CSGALNACT2: variants seen among roughly 807,000 people sequenced by gnomAD.
CSGALNACT2 encodes chondroitin sulfate N-acetylgalactosaminyltransferase 2.
CSGALNACT2 carries 35 observed loss-of-function variants against 55.3 expected under a neutral mutation model. The ratio of observed to expected loss-of-function variants is 0.63; its 90% CI spans 0.48 to 0.84. The LOEUF (loss-of-function observed/expected upper bound fraction) is 0.84, where lower values mean the gene tolerates loss of function less well. CSGALNACT2 is among the 40% of genes least tolerant of loss of function. The probability of loss-of-function intolerance (pLI) is 0.00; values close to 1 mark genes in which losing one functional copy is unlikely to be tolerated. For missense variants in CSGALNACT2, 544 were observed against 657.5 expected (o/e 0.83, Z 1.89); for synonymous variants, 196 against 224.9 (o/e 0.87, Z 1.15).
chr10:43,147,045 G>A (rs1397959137), intron 1 of CSGALNACT2, among the ~76,000 whole-genome samples: 1 of 110,218 alleles, frequency 9.1e-6, no homozygotes, highest in South Asian at 3.6e-4. Context: ...GCGGGATCTC[G>A]GCTCACTGCA....
Position 43,184,208 on chromosome 10 carries a change from A to G in CSGALNACT2, c.*666A>G, listed in dbSNP as rs1379984572. Reference sequence around the variant, plus strand: ...GGCTTGATTAAAAATATGTTATTACATTATCATGTTCAGGATTAGGATTAG... The same window carrying G: ...GGCTTGATTAAAAATATGTTATTACGTTATCATGTTCAGGATTAGGATTAG... On this transcript the variant is annotated 3_prime_UTR_variant, in exon 8 of 8. Coordinates refer to ENST00000374466, the MANE Select transcript of CSGALNACT2 (RefSeq NM_018590.5). 3.3e-5 allele frequency: 5 copies of G among 152,346 alleles called. No individual in the cohort carries two copies. The highest frequency in any genetic ancestry group is 5.9e-5 in the Non-Finnish European group (4 of 68,122). The allele number at this position is 152,346 out of a possible 1,614,324, so 9.4% of individuals were successfully genotyped here. A position where few individuals can be genotyped will look rare whatever the true frequency, so the allele number is the denominator to read the frequency against.
intron 1 of CSGALNACT2, among the ~76,000 whole-genome samples, 186 bp downstream of exon 1, chr10:43,138,753 G>A (rs1838553332): frequency 6.6e-6 from 1 of 152,272 alleles, no homozygotes; most frequent in South Asian, 2.1e-4. Context: ...TAGGGAAAGC[G>A]CGGCCAGAGA....
chr10:43,164,186 C>G, intron 5 of CSGALNACT2, 142 bp downstream of exon 5: 1 of 646,340 alleles, frequency 1.5e-6, no homozygotes, highest in Non-Finnish European at 2.5e-6. Context: ...CATAATTTAA[C>G]TGGAATACTA....
At chr10:43,174,956 G>A (rs887795374) in intron 6 of CSGALNACT2, among the ~76,000 whole-genome samples, 12 of 152,158 alleles carry the variant, frequency 7.9e-5, no homozygotes, top group Non-Finnish European at 1.8e-4. Flanking sequence ...TGATTCCAAG[G>A]ACTCAGTGTC....
intron 4 of CSGALNACT2, chr10:43,162,304 T>G: frequency 1.4e-6 from 1 of 691,222 alleles, no homozygotes; most frequent in Non-Finnish European, 2.4e-6. Context: ...CAGCTCCAGT[T>G]GAGAAAATCC....
chr10:43,153,015 A>G (rs1588896187), intron 1 of CSGALNACT2, among the ~76,000 whole-genome samples: 1 of 151,910 alleles, frequency 6.6e-6, no homozygotes, highest in South Asian at 2.1e-4. Context: ...GTTTTTTTCT[A>G]CATCACTCAA....
chr10:43,152,452 CTTTCA>C (rs1480942099), intron 1 of CSGALNACT2, among the ~76,000 whole-genome samples: 3 of 152,070 alleles, frequency 2.0e-5, no homozygotes, highest in Non-Finnish European at 4.4e-5. Context: ...TTACAGTATC[CTTTCA>C]TTTTATTGGA....
chr10:43,175,846 G>C, intron 6 of CSGALNACT2, 105 bp from the exon 7 acceptor site: 4 of 960,786 alleles, frequency 4.2e-6, no homozygotes, highest in Non-Finnish European at 6.4e-6. Flanking sequence ...TCACATAAAT[G>C]ACAGGAAAAA....
chr10:43,177,573 T>A (rs572016793), intron 7 of CSGALNACT2, among the ~76,000 whole-genome samples: 122 of 152,242 alleles, frequency 8.0e-4, no homozygotes, highest in Non-Finnish European at 1.4e-3. Context: ...TCAAAGTTCA[T>A]CCATGTTGTG....
intron 1 of CSGALNACT2, among the ~76,000 whole-genome samples, chr10:43,143,616 G>T (rs1838680919): frequency 6.6e-6 from 1 of 151,924 alleles, no homozygotes; most frequent in African/African-American, 2.4e-5. Flanking sequence ...TTGAGAGGAG[G>T]CCCTGAGAGG....
intron 2 of CSGALNACT2, among the ~76,000 whole-genome samples, chr10:43,158,026 TAAAAAAA>T (rs770700775): frequency 5.0e-5 from 5 of 99,438 alleles, no homozygotes; most frequent in Non-Finnish European, 1.0e-4. Flanking sequence ...AGACTCCGTC[TAAAAAAA>T]AAAAAAAAAA....
intron 4 of CSGALNACT2, 98 bp downstream of exon 4, chr10:43,160,693 T>A: frequency 1.5e-6 from 1 of 681,720 alleles, no homozygotes; most frequent in South Asian, 1.6e-5. Context: ...GTAACTATTA[T>A]TTAAAAATTG....
intron 7 of CSGALNACT2, among the ~76,000 whole-genome samples, chr10:43,180,959 T>C (rs1839578224): frequency 6.6e-6 from 1 of 152,212 alleles, no homozygotes; most frequent in South Asian, 2.1e-4. Flanking sequence ...AAATAACTTC[T>C]CCTAAGGACA....
intron 3 of CSGALNACT2, 144 bp downstream of exon 3, chr10:43,159,075 C>G (rs925269391): frequency 3.3e-6 from 2 of 605,548 alleles, no homozygotes; most frequent in Non-Finnish European, 5.8e-6. Context: ...TTTATATTCT[C>G]TCTTTTTTTA....
intron 7 of CSGALNACT2, among the ~76,000 whole-genome samples, chr10:43,181,440 A>C (rs1363834359): frequency 1.3e-5 from 2 of 152,204 alleles, no homozygotes; most frequent in Non-Finnish European, 2.9e-5. Context: ...GAAACTGAGA[A>C]TGCCCCATTT....
chr10:43,168,697 C>T (rs1367335603), intron 6 of CSGALNACT2, among the ~76,000 whole-genome samples: 1 of 148,390 alleles, frequency 6.7e-6, no homozygotes, highest in South Asian at 2.2e-4. Flanking sequence ...CACACACACA[C>T]ACACACACAC....
chr10:43,156,587 T>C (rs1292143214), intron 2 of CSGALNACT2, among the ~76,000 whole-genome samples: 1 of 152,262 alleles, frequency 6.6e-6, no homozygotes, highest in Non-Finnish European at 1.5e-5. Flanking sequence ...CCCAGCCTTT[T>C]TGGCACCAGG....
intron 1 of CSGALNACT2, among the ~76,000 whole-genome samples, chr10:43,146,009 A>T (rs1260700481): frequency 6.6e-6 from 1 of 152,192 alleles, no homozygotes. Flanking sequence ...CTCTAAAAAA[A>T]GATTTTTTTT....
chr10:43,180,307 C>G (rs1370047220), intron 7 of CSGALNACT2, among the ~76,000 whole-genome samples: 1 of 151,580 alleles, frequency 6.6e-6, no homozygotes, highest in Non-Finnish European at 1.5e-5. Context: ...TATTTTCAGT[C>G]TTTTTTTTTC....
Sources: allele counts gnomAD v4.1 joint callset (sites outside exome capture counted in the v4.1 genomes callset), GRCh38; gene constraint gnomAD v4.1.1; transcripts MANE v1.5; gene names NCBI Gene and HGNC (gene_info 2026-07-23, HGNC 2026-07-21).